HGF: variants seen among roughly 807,000 people sequenced by gnomAD.
The protein encoded by HGF is fibroblast-derived tumor cytotoxic factor.
A neutral mutation model predicts 111.6 loss-of-function variants in HGF; 39 were observed. The observed-to-expected ratio is 0.35, with a 90% CI of 0.27 to 0.46. HGF has a LOEUF of 0.46. Ranked by LOEUF, HGF falls within the 20% of genes least tolerant of loss-of-function variation. The probability of loss-of-function intolerance (pLI) is 1.00; values close to 1 mark genes in which losing one functional copy is unlikely to be tolerated. For synonymous variants in HGF, 285 were observed against 294.8 expected, an observed-to-expected ratio of 0.97 and a Z score of 0.34; for missense variants, 735 against 910.5, an observed-to-expected ratio of 0.81 and a Z score of 2.48.
chr7:81,726,865 T>G (rs1326939316), intron 8 of HGF, among the ~76,000 whole-genome samples: 4 of 151,976 alleles, frequency 2.6e-5, no homozygotes, highest in East Asian at 3.8e-4. Flanking sequence ...TAAATAAAAT[T>G]TATTAAATAT....
chr7:81,711,270 G>T (rs1455795627), intron 12 of HGF, among the ~76,000 whole-genome samples: 1 of 152,052 alleles, frequency 6.6e-6, no homozygotes, highest in African/African-American at 2.4e-5. Context: ...TTTTGCAAGA[G>T]AATTGAATTT....
chr7:81,752,042 C>T (rs2116115702), intron 5 of HGF, 78 bp downstream of exon 5: 1 of 1,586,638 alleles, frequency 6.3e-7, no homozygotes, highest in Non-Finnish European at 8.6e-7. Context: ...TGATTCGTTG[C>T]TGTTAACCTT....
chr7:81,730,605 C>T lies in HGF; in HGVS notation c.866-826G>A, dbSNP rs551908579. On this transcript the variant is annotated intron_variant, in intron 7 of 17. Transcript: ENST00000222390. ...TAGTCCAACTTCAATGCTTACTATA[C>T]GTCATGAAGATTTGAAACCCTCAGT... 5.3e-5 allele frequency among the ~76,000 whole-genome samples: 8 copies of T among 150,466 alleles called. No homozygotes were observed. The East Asian group carries it at 1.2e-3, about 22-fold the overall frequency.
chr7:81,743,031 G>T, intron 7 of HGF: 1 of 1,189,132 alleles, frequency 8.4e-7, no homozygotes, highest in African/African-American at 1.5e-5. Context: ...TAATGACTTT[G>T]TGATGCTGCA....
intron 13 of HGF, among the ~76,000 whole-genome samples, chr7:81,708,524 CT>C (rs3081099): frequency 1.9e-3 from 141 of 72,458 alleles, no homozygotes; most frequent in Middle Eastern, 0.017. Flanking sequence ...TTCCTTCCTT[CT>C]TTTTTTTTTT....
At chr7:81,705,858 A>G in intron 15 of HGF, 105 bp from the exon 16 acceptor site, 1 of 677,570 alleles carries the variant, frequency 1.5e-6, no homozygotes, top group South Asian at 1.7e-5. Flanking sequence ...CAGAGAATGA[A>G]GTCCTGTTTC....
Position 81,706,395 on chromosome 7 carries a change from A to G in HGF, c.1649T>C (p.Ile550Thr). ...ATCTCCTCTTCCGTGGACATCATGA[A>G]TTCCAAGCCAAGCTTCATAATCTTT... is the stretch of plus-strand genomic sequence containing the variant. ...DLKDYEAWLG[I>T]HDVHGRGDEK... Residue 550 changes from isoleucine (I) to threonine (T), a missense_variant, in exon 15 of 18, where the codon ATT becomes ACT. Around this residue, in one of 3 missense-constraint regions of HGF, gnomAD observed 130 missense variants for 129.9 expected, o/e 1.00. Coordinates refer to ENST00000222390, the MANE Select transcript of HGF (RefSeq NM_000601.6). The G allele has an allele frequency of 6.2e-7, 1 of 1,612,564 alleles. No individual in the cohort carries two copies. The highest frequency in any genetic ancestry group is 8.5e-7 in the Non-Finnish European group (1 of 1,178,814).
chr7:81,741,304 C>T (rs553218767), intron 7 of HGF, among the ~76,000 whole-genome samples: 8 of 152,216 alleles, frequency 5.3e-5, no homozygotes, highest in Admixed American at 6.5e-5. Context: ...AGAATTAACA[C>T]CCTATAAACT....
chr7:81,746,274 G>A (rs1788250056), intron 5 of HGF, among the ~76,000 whole-genome samples: 2 of 152,136 alleles, frequency 1.3e-5, no homozygotes, highest in Non-Finnish European at 2.9e-5. Flanking sequence ...TTAGCTAAGA[G>A]GCCAACTCGG....
At chr7:81,749,770 AAAT>A (rs1410288163) in intron 5 of HGF, among the ~76,000 whole-genome samples, 1 of 152,054 alleles carries the variant, frequency 6.6e-6, no homozygotes, top group Non-Finnish European at 1.5e-5. Flanking sequence ...AATTATAAGA[AAAT>A]AATATTAATC....
At chr7:81,708,524 CTTTT>C (rs3081099) in intron 13 of HGF, among the ~76,000 whole-genome samples, 12 of 72,470 alleles carry the variant, frequency 1.7e-4, no homozygotes, top group South Asian at 6.1e-4. Flanking sequence ...TTCCTTCCTT[CTTTT>C]TTTTTTTTTT....
At chr7:81,756,227 G>C (rs1467471445) in intron 4 of HGF, 1 of 568,138 alleles carries the variant, frequency 1.8e-6, no homozygotes, top group African/African-American at 1.9e-5. Context: ...GTGTTTTTAT[G>C]CTTCAGTTTT....
At chr7:81,721,196 G>C (rs1789851530) in intron 9 of HGF, among the ~76,000 whole-genome samples, 2 of 152,044 alleles carry the variant, frequency 1.3e-5, no homozygotes, top group Admixed American at 1.3e-4. Context: ...GCCGTGAGCC[G>C]AGATGGCGCC....
At chr7:81,717,200 T>A (rs372164823) in intron 11 of HGF, 32 bp downstream of exon 11, 12 of 1,604,654 alleles carry the variant, frequency 7.5e-6, no homozygotes, top group Non-Finnish European at 9.4e-6. Context: ...TTTAAAATAT[T>A]TCACAAGACA....
intron 13 of HGF, 148 bp downstream of exon 13, chr7:81,709,998 GC>G (rs1388789763): frequency 3.0e-6 from 2 of 667,576 alleles, no homozygotes; most frequent in Non-Finnish European, 5.5e-6. Context: ...AGTCTGGCAA[GC>G]AGATGTGATC....
At chr7:81,721,330 A>G (rs1789857341) in intron 9 of HGF, among the ~76,000 whole-genome samples, 1 of 152,220 alleles carries the variant, frequency 6.6e-6, no homozygotes, top group Non-Finnish European at 1.5e-5. Flanking sequence ...AAAAATCTTT[A>G]TTTTAAGCCC....
chr7:81,742,058 T>A (rs1208308767), intron 7 of HGF, among the ~76,000 whole-genome samples: 1 of 150,044 alleles, frequency 6.7e-6, no homozygotes, highest in Non-Finnish European at 1.5e-5. Context: ...GAAAGACTAA[T>A]ACAATTTAAA....
At chr7:81,743,507 T>A (rs749323735) in intron 6 of HGF, 36 bp from the exon 7 acceptor site, 6 of 1,357,290 alleles carry the variant, frequency 4.4e-6, no homozygotes, top group Non-Finnish European at 6.3e-6. Context: ...CACGTAAATC[T>A]GCCTGGAAAC....
intron 8 of HGF, among the ~76,000 whole-genome samples, chr7:81,726,561 C>T (rs990268772): frequency 9.2e-5 from 14 of 152,046 alleles, no homozygotes; most frequent in African/African-American, 3.4e-4. Flanking sequence ...TAATTTGATG[C>T]ATTGATTTAT....
Sources: gnomAD v4.1 joint callset for allele counts (sites outside exome capture counted in the v4.1 genomes callset) on GRCh38, gnomAD v4.1.1 for gene constraint, gnomAD v4.1.1 regional missense constraint, MANE v1.5 for transcripts, NCBI Gene and HGNC (gene_info 2026-07-23, HGNC 2026-07-21) for gene names.